CFAP20DC: variants seen among roughly 807,000 people sequenced by gnomAD.
The protein encoded by CFAP20DC is CFAP20 domain containing, also known as protein CFAP20DC.
In CFAP20DC, 84 loss-of-function variants were observed where a neutral mutation model predicts 101.7. The observed-to-expected ratio is 0.83, with a 90% CI of 0.69 to 0.99. CFAP20DC has a LOEUF of 0.99. Ranked by LOEUF, CFAP20DC falls within the 50% of genes least tolerant of loss-of-function variation. The pLI is 0.00. For missense variants in CFAP20DC, 1,007 were observed against 970.3 expected, an observed-to-expected ratio of 1.04 and a Z score of -0.50; for synonymous variants, 359 against 351.2, an observed-to-expected ratio of 1.02 and a Z score of -0.25.
rs189540467 is a variant in CFAP20DC, at chr3:58,833,875, A to G, written c.1972-1986T>C. Among the ~76,000 whole-genome samples the G allele has an allele frequency of 4.5e-4, 68 of 152,338 alleles. No homozygotes were observed. In the East Asian group the frequency reaches 0.012, roughly 27 times the overall value. On this transcript the variant is annotated intron_variant, in intron 13 of 16. Transcript: ENST00000482387. ...TTATCCACATAATGGAATATTACTC[A>G]GCCTAAAGAGTAATGAAGGGCTGGA...
At position 58,732,930 on chromosome 3, in the gene CFAP20DC, G is replaced by A. The variant is rs2067673014; in HGVS notation, c.198-15302C>T. On this transcript the variant is annotated intron_variant, in intron 3 of 3. Transcript: ENST00000486145. The surrounding 1 kb of genome is among the most constrained non-coding windows in gnomAD (Gnocchi z 5.4). The stretch of plus-strand genomic sequence containing the variant: ...CTTCCGAGTAGAAAATAAATGCAAA[G>A]CTGAAGAGGATTATTTCTATAATTT... Among the ~76,000 whole-genome samples, 1 of 152,192 alleles carries A rather than the reference G, an allele frequency of 6.6e-6. No individual in the cohort carries two copies. The highest frequency in any genetic ancestry group is 1.5e-5 in the Non-Finnish European group (1 of 68,044).
intron 1 of CFAP20DC, among the ~76,000 whole-genome samples, chr3:59,048,986 G>A (rs1172526896): frequency 6.6e-6 from 1 of 152,104 alleles, no homozygotes; most frequent in African/African-American, 2.4e-5. Context: ...GGAATCACTT[G>A]GGGGAACTAG....
Position 58,836,073 on chromosome 3 carries a change from C to T in CFAP20DC, c.1972-4184G>A, listed in dbSNP as rs143718121. Among the ~76,000 whole-genome samples, 25 of 152,246 alleles carry T rather than the reference C, an allele frequency of 1.6e-4. No individual in the cohort carries two copies. The East Asian group carries it at 4.4e-3, about 27-fold the overall frequency. ...CTGTGCTCAGATTCGCAGGCCAGTC[C>T]TTCTCTCTCCAAGCCATTCAATCCA... On this transcript the variant is annotated intron_variant, in intron 13 of 16. Coordinates refer to ENST00000482387, the MANE Select transcript of CFAP20DC (RefSeq NM_001394063.1).
rs1323479012 is a variant in CFAP20DC at position 58,788,734 on chromosome 3, A to G, written c.2237+17661T>C. ...TTAATCTCAGCTTAAACTTCCTTTT[A>G]GCCTTGTGACCTTTGAGCCAAACTC... On this transcript the variant is annotated intron_variant, in intron 15 of 16. Transcript: ENST00000482387. The surrounding 1 kb of genome is among the most constrained non-coding windows in gnomAD (Gnocchi z 4.2). Among the ~76,000 whole-genome samples the G allele has an allele frequency of 2.6e-5, 4 of 152,124 alleles. No homozygotes were observed. Among genetic ancestry groups the G allele is most frequent in the South Asian group, 2.1e-4 (1 of 4,826 alleles).
chr3:58,948,495 A>C (rs1410297599), intron 4 of CFAP20DC, among the ~76,000 whole-genome samples: 1 of 152,192 alleles, frequency 6.6e-6, no homozygotes, highest in African/African-American at 2.4e-5. Context: ...TGATGCAAAT[A>C]TGCACATCTT....
chr3:58,885,705 C>A (rs1351254501), intron 6 of CFAP20DC, among the ~76,000 whole-genome samples: 1 of 151,432 alleles, frequency 6.6e-6, no homozygotes, highest in African/African-American at 2.4e-5. Context: ...AGTGAGAACA[C>A]GTGGCATTCA....
intron 15 of CFAP20DC, among the ~76,000 whole-genome samples, chr3:58,765,173 C>A (rs996019972): frequency 3.3e-5 from 5 of 151,952 alleles, no homozygotes; most frequent in African/African-American, 1.2e-4. Flanking sequence ...GGCTTCAGTT[C>A]CTTTGTCTAA....
At chr3:58,986,509 AT>A (rs1361441840) in intron 4 of CFAP20DC, among the ~76,000 whole-genome samples, 1 of 152,154 alleles carries the variant, frequency 6.6e-6, no homozygotes, top group East Asian at 1.9e-4. Flanking sequence ...AAACTTCTGT[AT>A]GGAAAATCAA....
chr3:58,842,963 G>C (rs1194223103), intron 13 of CFAP20DC, among the ~76,000 whole-genome samples: 3 of 152,204 alleles, frequency 2.0e-5, no homozygotes, highest in Non-Finnish European at 4.4e-5. Flanking sequence ...CTGTCTGTTA[G>C]AAGGAAAACT....
At chr3:58,842,330 G>C (rs1044616503) in intron 13 of CFAP20DC, among the ~76,000 whole-genome samples, 2 of 152,218 alleles carry the variant, frequency 1.3e-5, no homozygotes, top group Non-Finnish European at 2.9e-5. Context: ...AGCTGAAGCA[G>C]GGCGAGGCAT....
intron 3 of CFAP20DC, chr3:58,727,409 T>A (rs2067568526): frequency 6.6e-6 from 1 of 152,302 alleles, no homozygotes. Flanking sequence ...CTGATCAGCT[T>A]CATGTGCCCA....
chr3:58,736,509 GAATA>G (rs1294767897), intron 3 of CFAP20DC, among the ~76,000 whole-genome samples: 4 of 152,118 alleles, frequency 2.6e-5, no homozygotes, highest in Non-Finnish European at 5.9e-5. Flanking sequence ...CATACTATCA[GAATA>G]AATAAAGAGA....
chr3:58,785,481 C>T (rs1337245492), intron 15 of CFAP20DC, among the ~76,000 whole-genome samples: 1 of 151,988 alleles, frequency 6.6e-6, no homozygotes, highest in Non-Finnish European at 1.5e-5. Context: ...GATGGATACC[C>T]CAAATATTCT....
chr3:58,960,846 C>T (rs554486677), intron 4 of CFAP20DC, among the ~76,000 whole-genome samples: 2 of 152,012 alleles, frequency 1.3e-5, no homozygotes, highest in Non-Finnish European at 2.9e-5. Flanking sequence ...TTGTTTTGTT[C>T]CTAATCTTAG....
chr3:58,725,434 T>A (rs1238554451), intron 3 of CFAP20DC, among the ~76,000 whole-genome samples: 1 of 152,228 alleles, frequency 6.6e-6, no homozygotes, highest in Non-Finnish European at 1.5e-5. Context: ...CAATGGATCA[T>A]GTCCCACCTC....
At chr3:58,895,936 T>G (rs1174279714) in intron 6 of CFAP20DC, among the ~76,000 whole-genome samples, 1 of 152,180 alleles carries the variant, frequency 6.6e-6, no homozygotes, top group Non-Finnish European at 1.5e-5. Flanking sequence ...TATTCGCTAT[T>G]ACAAGAACAG....
chr3:58,738,924 T>C (rs1390412965), downstream of CFAP20DC, among the ~76,000 whole-genome samples: 5 of 152,190 alleles, frequency 3.3e-5, no homozygotes, highest in African/African-American at 4.8e-5. The surrounding 1 kb of genome is among the most constrained non-coding windows in gnomAD (Gnocchi z 4.4). Context: ...ATTAAAACCA[T>C]GGGACAATTT....
intron 4 of CFAP20DC, among the ~76,000 whole-genome samples, chr3:59,019,691 T>G (rs1269953536): frequency 6.6e-6 from 1 of 152,098 alleles, no homozygotes; most frequent in Non-Finnish European, 1.5e-5. Flanking sequence ...AGCAGAATGG[T>G]GACACTTTCA....
intron 15 of CFAP20DC, among the ~76,000 whole-genome samples, chr3:58,766,349 T>C (rs2070310675): frequency 6.6e-6 from 1 of 152,212 alleles, no homozygotes; most frequent in South Asian, 2.1e-4. Flanking sequence ...TAGACAATGC[T>C]TGAGGTTCTT....
Sources: allele counts gnomAD v4.1 joint callset (sites outside exome capture counted in the v4.1 genomes callset), GRCh38; gene constraint gnomAD v4.1.1; non-coding constraint Gnocchi (gnomAD v3.1); transcripts MANE v1.5; gene names NCBI Gene and HGNC (gene_info 2026-07-23, HGNC 2026-07-21).